RAP1A: variants seen among roughly 807,000 people sequenced by gnomAD.
RAP1A encodes the protein RAP1A, member of RAS oncogene family, also known as ras-related protein Rap-1A.
Under a neutral mutation model 26.4 loss-of-function variants are expected in RAP1A, and 6 were observed. That is an observed-to-expected ratio of 0.23 (90% CI 0.12 to 0.45). RAP1A has a LOEUF of 0.45. Among genes scored for constraint, RAP1A ranks in the 20% least tolerant of loss-of-function variants. The pLI is 0.99. For synonymous variants in RAP1A, 73 were observed against 79.4 expected (o/e 0.92, Z 0.43); for missense variants, 121 against 217.2 (o/e 0.56, Z 2.78).
intron 1 of RAP1A, among the ~76,000 whole-genome samples, chr1:111,580,151 TACTC>T (rs1241663085): frequency 1.3e-5 from 2 of 152,210 alleles, no homozygotes; most frequent in Non-Finnish European, 2.9e-5. Flanking sequence ...GTTGTATGCG[TACTC>T]AAAGTATGGT....
rs368971151 is a variant in RAP1A, at chr1:111,563,946, C to T, written c.-28+21437C>T. 1.7e-5 allele frequency: 28 copies of T among 1,613,160 alleles called. No individual in the cohort carries two copies. The African/African-American group carries it at 3.3e-4, about 19-fold the overall frequency. ...TGCTCAATGGGTCCTGCTGGAGACC[C>T]TTCCATTGGTCCAACTGGTGGTCTC... On this transcript the variant is annotated intron_variant, in intron 1 of 7. Coordinates refer to the RAP1A transcript ENST00000356415.
intron 1 of RAP1A, among the ~76,000 whole-genome samples, chr1:111,583,878 T>G (rs1658311629): frequency 6.8e-5 from 1 of 14,766 alleles, no homozygotes; most frequent in African/African-American, 8.0e-5. Flanking sequence ...TGTTATTTCT[T>G]TTTTTTTTTT....
chr1:111,628,640 G>A (rs79270109), intron 1 of RAP1A, among the ~76,000 whole-genome samples: 1 of 152,230 alleles, frequency 6.6e-6, no homozygotes, highest in African/African-American at 2.4e-5. Flanking sequence ...CAGGGAATCT[G>A]GATTAATAGT....
chr1:111,659,307 A>G (rs1347941719), intron 1 of RAP1A, among the ~76,000 whole-genome samples: 6 of 152,202 alleles, frequency 3.9e-5, no homozygotes, highest in Non-Finnish European at 7.4e-5. Flanking sequence ...GAACAATTCT[A>G]ACAATATACT....
At chr1:111,686,293 G>GA (rs976545923) in intron 1 of RAP1A, among the ~76,000 whole-genome samples, 7 of 151,664 alleles carry the variant, frequency 4.6e-5, no homozygotes, top group African/African-American at 4.8e-5. Flanking sequence ...GATACTGTTG[G>GA]AAAAAAAAGA....
chr1:111,631,148 C>T (rs968649464), intron 1 of RAP1A, among the ~76,000 whole-genome samples: 8 of 152,100 alleles, frequency 5.3e-5, no homozygotes, highest in Non-Finnish European at 7.4e-5. Flanking sequence ...TACATTGTAG[C>T]GATTTGCAGA....
intron 1 of RAP1A, among the ~76,000 whole-genome samples, chr1:111,671,481 T>C (rs1426578904): frequency 6.6e-6 from 1 of 151,912 alleles, no homozygotes; most frequent in Non-Finnish European, 1.5e-5. Context: ...CTTTCTTTCT[T>C]TTTTTTTGTT....
chr1:111,657,251 G>T (rs1660490881), intron 1 of RAP1A, among the ~76,000 whole-genome samples: 1 of 152,208 alleles, frequency 6.6e-6, no homozygotes, highest in South Asian at 2.1e-4. Context: ...CATGTGGGTT[G>T]CAGTCAAAAT....
intron 7 of RAP1A, among the ~76,000 whole-genome samples, chr1:111,709,865 A>T (rs1334957182): frequency 6.6e-6 from 1 of 151,646 alleles, no homozygotes; most frequent in Non-Finnish European, 1.5e-5. Flanking sequence ...GCATGACAGT[A>T]CTGGCAGTAT....
At chr1:111,691,262 T>C in intron 1 of RAP1A, 72 bp from the exon 2 acceptor site, 1 of 1,040,428 alleles carries the variant, frequency 9.6e-7, no homozygotes, top group Non-Finnish European at 1.4e-6. Flanking sequence ...ACTCCTATGT[T>C]TGATGCAGTA....
chr1:111,596,629 T>C (rs1485424293), intron 1 of RAP1A, among the ~76,000 whole-genome samples: 1 of 152,208 alleles, frequency 6.6e-6, no homozygotes, highest in African/African-American at 2.4e-5. Context: ...ACATCAGAAA[T>C]TTATTTCTCA....
chr1:111,615,581 C>T (rs548693291), upstream of RAP1A, among the ~76,000 whole-genome samples: 46 of 152,138 alleles, frequency 3.0e-4, 1 homozygote, highest in African/African-American at 1.1e-3. Context: ...GCCTGTAATC[C>T]CAGCACTTTG....
intron 1 of RAP1A, among the ~76,000 whole-genome samples, chr1:111,610,909 T>G (rs1163598861): frequency 3.3e-5 from 5 of 152,270 alleles, no homozygotes; most frequent in Admixed American, 3.3e-4. Flanking sequence ...ATTCCCATTT[T>G]ATAAATGCGA....
chr1:111,696,515 G>A lies in RAP1A; in HGVS notation c.127-926G>A, dbSNP rs192362458. Among the ~76,000 whole-genome samples the A allele has an allele frequency of 4.1e-4, 62 of 152,306 alleles. 1 individual carries two copies. The South Asian group carries it at 4.8e-3, about 12-fold the overall frequency. On this transcript the variant is annotated intron_variant, in intron 3 of 7. Transcript: ENST00000369709. ...GTCCCATAAGTGGTGGGGTGGATGA[G>A]TTTGTGGTCTGACCAGTGGTGCCCC...
intron 1 of RAP1A, among the ~76,000 whole-genome samples, chr1:111,651,953 C>CAAAAAAAAAA: frequency 6.7e-6 from 1 of 148,906 alleles, no homozygotes. Context: ...TTTTTTTGTG[C>CAAAAAAAAAA]AAAAAGTTTA....
At chr1:111,549,681 C>T (rs1348902292) in intron 1 of RAP1A, among the ~76,000 whole-genome samples, 2 of 151,526 alleles carry the variant, frequency 1.3e-5, no homozygotes, top group Non-Finnish European at 2.9e-5. Context: ...AGATCTCTCT[C>T]TCTGTCACCC....
chr1:111,554,399 G>T (rs565711749), intron 1 of RAP1A, among the ~76,000 whole-genome samples: 1 of 152,176 alleles, frequency 6.6e-6, no homozygotes, highest in South Asian at 2.1e-4. Context: ...AAAGTCAAAG[G>T]TGGCATGGCA....
chr1:111,706,583 T>C (rs1662200695), intron 6 of RAP1A: 1 of 367,920 alleles, frequency 2.7e-6, no homozygotes, highest in African/African-American at 2.2e-5. Flanking sequence ...TTGCTGAGGC[T>C]GGAATAGTAA....
chr1:111,667,314 T>C (rs1158688766), intron 1 of RAP1A, among the ~76,000 whole-genome samples: 1 of 152,204 alleles, frequency 6.6e-6, no homozygotes, highest in Non-Finnish European at 1.5e-5. Context: ...TATCACACTT[T>C]TATTATAGAT....
Sources: allele counts gnomAD v4.1 joint callset (sites outside exome capture counted in the v4.1 genomes callset), GRCh38; gene constraint gnomAD v4.1.1; transcripts MANE v1.5; gene names NCBI Gene and HGNC (gene_info 2026-07-23, HGNC 2026-07-21).